The following NLGN1 variants were observed in gnomAD, a reference collection of about 807,000 sequenced individuals.
NLGN1 encodes neuroligin-1.
Under a neutral mutation model 65.5 loss-of-function variants are expected in NLGN1, and 12 were observed. The ratio of observed to expected loss-of-function variants is 0.18; its 90% CI spans 0.12 to 0.30. The LOEUF (loss-of-function observed/expected upper bound fraction) is 0.30, where lower values mean the gene tolerates loss of function less well. NLGN1 is among the 10% of genes least tolerant of loss of function. NLGN1 has a pLI of 1.00. For synonymous variants in NLGN1, 350 were observed against 359.5 expected (o/e 0.97, Z 0.30); for missense variants, 750 against 1,007.1 (o/e 0.74, Z 3.46).
intron 3 of NLGN1, among the ~76,000 whole-genome samples, chr3:173,677,765 T>G (rs1763373772): frequency 6.6e-6 from 1 of 152,104 alleles, no homozygotes; most frequent in African/African-American, 2.4e-5. Flanking sequence ...GGCTAAGGAC[T>G]CACATAATTT....
At chr3:173,434,451 AC>A (rs1442987428) in intron 1 of NLGN1, among the ~76,000 whole-genome samples, 15 of 152,202 alleles carry the variant, frequency 9.9e-5, no homozygotes, top group African/African-American at 3.6e-4. Flanking sequence ...TTAGAGTGAA[AC>A]AATATTTGAA....
intron 4 of NLGN1, among the ~76,000 whole-genome samples, chr3:174,261,095 G>A: frequency 6.6e-6 from 1 of 152,164 alleles, no homozygotes. Context: ...TAGCCTTGTA[G>A]TACAGTTTGA....
At chr3:174,048,768 TGAA>T (rs1424612302) in intron 4 of NLGN1, among the ~76,000 whole-genome samples, 3 of 151,884 alleles carry the variant, frequency 2.0e-5, no homozygotes, top group Non-Finnish European at 4.4e-5. Context: ...AGATAATACT[TGAA>T]GATAAGATAC....
chr3:174,182,858 A>G (rs1399914764), intron 4 of NLGN1, among the ~76,000 whole-genome samples: 1 of 152,148 alleles, frequency 6.6e-6, no homozygotes, highest in East Asian at 1.9e-4. Flanking sequence ...TTCCTGGCAC[A>G]ATCTCACATT....
At chr3:173,986,400 C>T (rs560983683) in intron 4 of NLGN1, among the ~76,000 whole-genome samples, 2 of 151,712 alleles carry the variant, frequency 1.3e-5, no homozygotes, top group African/African-American at 2.4e-5. Context: ...ACCCAGGAGG[C>T]AGAGGTTGCA....
intron 3 of NLGN1, among the ~76,000 whole-genome samples, chr3:173,758,278 A>G (rs186861485): frequency 6.6e-6 from 1 of 152,166 alleles, no homozygotes; most frequent in Non-Finnish European, 1.5e-5. Flanking sequence ...TGTGAGAAAT[A>G]AATTTCTGTT....
chr3:173,917,354 G>A (rs940057559), intron 4 of NLGN1, among the ~76,000 whole-genome samples: 3 of 152,076 alleles, frequency 2.0e-5, no homozygotes, highest in African/African-American at 7.2e-5. Context: ...GACAAACCTT[G>A]TAAGTCTTAG....
chr3:173,585,242 C>T (rs1369942947), intron 2 of NLGN1, among the ~76,000 whole-genome samples: 2 of 152,142 alleles, frequency 1.3e-5, no homozygotes, highest in East Asian at 1.9e-4. Context: ...CCAAGCAGCT[C>T]TCCAAGCTCT....
intron 3 of NLGN1, among the ~76,000 whole-genome samples, chr3:173,634,871 G>A (rs150056991): frequency 6.7e-4 from 102 of 152,194 alleles, no homozygotes; most frequent in African/African-American, 2.4e-3. Flanking sequence ...TGCAGAAAGC[G>A]CTGTCAGGGA....
chr3:173,756,626 T>A (rs1448601315), intron 3 of NLGN1, among the ~76,000 whole-genome samples: 2 of 151,784 alleles, frequency 1.3e-5, no homozygotes, highest in Non-Finnish European at 2.9e-5. Flanking sequence ...CGTCTCTAAA[T>A]ACCATTTCCC....
chr3:173,626,067 A>G (rs904411386), intron 3 of NLGN1, among the ~76,000 whole-genome samples: 1 of 152,076 alleles, frequency 6.6e-6, no homozygotes, highest in Non-Finnish European at 1.5e-5. Context: ...GTGCTATCCA[A>G]TAGAGCTTTC....
intron 3 of NLGN1, among the ~76,000 whole-genome samples, chr3:173,720,571 C>T (rs1017383394): frequency 4.6e-5 from 7 of 152,094 alleles, no homozygotes; most frequent in African/African-American, 1.4e-4. Flanking sequence ...GCTCTAGAAA[C>T]AACATATCTT....
At chr3:173,895,180 G>T (rs1356039381) in intron 4 of NLGN1, among the ~76,000 whole-genome samples, 1 of 152,036 alleles carries the variant, frequency 6.6e-6, no homozygotes, top group African/African-American at 2.4e-5. Context: ...TATCCTTCCA[G>T]CCTCCTCTTT....
intron 3 of NLGN1, among the ~76,000 whole-genome samples, chr3:173,631,252 T>C (rs1013037827): frequency 2.0e-5 from 3 of 152,210 alleles, no homozygotes; most frequent in Admixed American, 1.3e-4. Context: ...ATGTGGAGAA[T>C]ACAAATTTAT....
chr3:173,510,344 T>C (rs570575875), intron 2 of NLGN1, among the ~76,000 whole-genome samples: 1 of 152,208 alleles, frequency 6.6e-6, no homozygotes, highest in Admixed American at 6.5e-5. Flanking sequence ...GGTGATATCA[T>C]CACTGTCTGT....
Position 174,268,507 on chromosome 3 carries a change from A to T in NLGN1, c.647-6808A>T, listed in dbSNP as rs1748712131. On this transcript the variant is annotated intron_variant, in intron 4 of 6. Transcript: ENST00000457714. The stretch of plus-strand genomic sequence containing the variant: ...TCTTGAAATGGGAATGGTATTCATG[A>T]TTCAGAGCTAAGTAAATTAGGGCCC... 2.0e-5 allele frequency among the ~76,000 whole-genome samples: 3 copies of T among 152,144 alleles called. No individual in the cohort carries two copies. In the South Asian group the frequency reaches 6.2e-4, roughly 31 times the overall value.
At chr3:173,985,406 G>A (rs1468575029) in intron 4 of NLGN1, among the ~76,000 whole-genome samples, 1 of 152,100 alleles carries the variant, frequency 6.6e-6, no homozygotes, top group Non-Finnish European at 1.5e-5. Context: ...AATTCTAAGG[G>A]ATTCAGGCCA....
downstream of NLGN1, among the ~76,000 whole-genome samples, chr3:174,290,832 A>G (rs1413017544): frequency 6.6e-6 from 1 of 151,100 alleles, no homozygotes; most frequent in Non-Finnish European, 1.5e-5. Flanking sequence ...TGAAAAATAT[A>G]TAAACTTATC....
intron 2 of NLGN1, among the ~76,000 whole-genome samples, chr3:173,558,026 A>G (rs1741994031): frequency 6.6e-6 from 1 of 152,038 alleles, no homozygotes; most frequent in Non-Finnish European, 1.5e-5. Flanking sequence ...GGATTAACAA[A>G]TATTCTTTTT....
Sources: allele counts gnomAD v4.1 joint callset (sites outside exome capture counted in the v4.1 genomes callset), GRCh38; gene constraint gnomAD v4.1.1; transcripts MANE v1.5; gene names NCBI Gene and HGNC (gene_info 2026-07-23, HGNC 2026-07-21).